Variants in REM1 observed in about 807,000 individuals in gnomAD.
The protein encoded by REM1 is GTP-binding protein REM 1.
In REM1, 20 loss-of-function variants were observed where a neutral mutation model predicts 27.0. The ratio of observed to expected loss-of-function variants is 0.74; its 90% CI spans 0.52 to 1.08. REM1 has a LOEUF of 1.08. REM1 is among the 50% of genes least tolerant of loss of function. The probability of loss-of-function intolerance (pLI) is 0.00; values close to 1 mark genes in which losing one functional copy is unlikely to be tolerated. For synonymous variants in REM1, 159 were observed against 167.9 expected, an observed-to-expected ratio of 0.95 and a Z score of 0.41; for missense variants, 405 against 407.0, an observed-to-expected ratio of 1.00 and a Z score of 0.04.
chr20:31,476,407 G>A lies in REM1; in HGVS notation c.-39G>A, dbSNP rs752092102. ...TGACAGCCAATTCCCCCTTCTTTCA[G>A]AAGGAAAGAAGGAAGAAGCAAACCC... On this transcript the variant is annotated 5_prime_UTR_variant, in exon 2 of 5. Transcript: ENST00000201979. 2.7e-6 allele frequency: 4 copies of A among 1,468,778 alleles called. No individual in the cohort carries two copies. In the African/African-American group the frequency reaches 5.7e-5, roughly 21 times the overall value. The allele number at this position is 1,468,778 out of a possible 1,614,324, so 91.0% of individuals were successfully genotyped here. A position where few individuals can be genotyped will look rare whatever the true frequency, so the allele number is the denominator to read the frequency against.
chr20:31,479,321 AG>A (rs962032087), intron 3 of REM1, among the ~76,000 whole-genome samples: 1 of 152,204 alleles, frequency 6.6e-6, no homozygotes, highest in Non-Finnish European at 1.5e-5. Context: ...TGAATAAGGC[AG>A]ACAGGCCCTC....
At chr20:31,476,195 C>T (rs924139520) in intron 1 of REM1, 32 bp from the exon 2 acceptor site, 4 of 514,212 alleles carry the variant, frequency 7.8e-6, no homozygotes, top group African/African-American at 7.6e-5. Flanking sequence ...GTGTTCACAG[C>T]CTGCACACTC....
At chr20:31,478,348 T>G (rs1179718835) in intron 3 of REM1, among the ~76,000 whole-genome samples, 2 of 152,172 alleles carry the variant, frequency 1.3e-5, no homozygotes, top group Non-Finnish European at 2.9e-5. Flanking sequence ...GGTTAACCAT[T>G]CCTGCCTTCC....
In REM1 at chr20:31,475,664, C is replaced by T. The variant is rs1472770096; in HGVS notation, c.-220+298C>T. Among the ~76,000 whole-genome samples the T allele has an allele frequency of 1.3e-5, 2 of 152,192 alleles. No individual in the cohort carries two copies. Among genetic ancestry groups the T allele is most frequent in the African/African-American group, 4.8e-5 (2 of 41,440 alleles). On this transcript the variant is annotated intron_variant, in intron 1 of 4. Transcript: ENST00000201979. The surrounding 1 kb of genome is among the most constrained non-coding windows in gnomAD (Gnocchi z 5.0). ...CTGCCCTCCCCGTCCCCTGCCAGGA[C>T]CCTGTCCTGTCACCTAACCTGGGGC...
chr20:31,483,152 T>C (rs1252879071), intron 4 of REM1, among the ~76,000 whole-genome samples: 1 of 152,066 alleles, frequency 6.6e-6, no homozygotes, highest in Non-Finnish European at 1.5e-5. Flanking sequence ...ATATAAAAAT[T>C]AGCCAGGCAT....
intron 3 of REM1, among the ~76,000 whole-genome samples, chr20:31,480,623 G>C (rs891503504): frequency 3.9e-5 from 6 of 152,032 alleles, no homozygotes; most frequent in African/African-American, 1.4e-4. Flanking sequence ...ATGCCCAGCT[G>C]AGAATCTATA....
At position 31,484,158 on chromosome 20, in the gene REM1, G is replaced by C. The variant is rs1864510495; in HGVS notation, c.626-1G>C. 14 of 1,575,908 alleles carry C rather than the reference G, an allele frequency of 8.9e-6. No homozygotes were observed. Among genetic ancestry groups the C allele is most frequent in the Non-Finnish European group, 1.2e-5 (14 of 1,157,874 alleles). Reference sequence around the variant, plus strand: ...CTCCTCGCCGGGCCCCGCCCCCTTAGAGGGCCGCGCCTGCGCTGTGGTGTT... The same window carrying C: ...CTCCTCGCCGGGCCCCGCCCCCTTACAGGGCCGCGCCTGCGCTGTGGTGTT... On this transcript the variant is annotated splice_acceptor_variant, in intron 4 of 4. Transcript: ENST00000201979. LOFTEE classifies it high-confidence loss of function.
intron 3 of REM1, 37 bp from the exon 4 acceptor site, chr20:31,482,250 A>G: frequency 1.3e-6 from 2 of 1,599,896 alleles, no homozygotes; most frequent in Non-Finnish European, 1.7e-6. Context: ...GGGCCTAGAT[A>G]CCCTCTGAGG....
In REM1 at chr20:31,477,835, A is replaced by G; in HGVS notation, c.348A>G (p.Val116=). Reference sequence around the variant, plus strand: ...CTCTTCCCTCGGTTGCAGAAGATGTATATGAGAGGACCCTCACGGTGGATG... The same window carrying G: ...CTCTTCCCTCGGTTGCAGAAGATGTGTATGAGAGGACCCTCACGGTGGATG... ...RDLHEQLGED[V]YERTLTVDGE... The change falls in exon 3 of 5, where the codon GTA becomes GTG. Residue 116 remains valine (V), a synonymous_variant. Coordinates refer to ENST00000201979, the MANE Select transcript of REM1 (RefSeq NM_014012.6). 6.2e-7 allele frequency: 1 copy of G among 1,612,524 alleles called. No homozygotes were observed. The highest frequency in any genetic ancestry group is 8.5e-7 in the Non-Finnish European group (1 of 1,179,532).
chr20:31,481,447 G>A (rs953970609), intron 3 of REM1, among the ~76,000 whole-genome samples: 16 of 151,476 alleles, frequency 1.1e-4, no homozygotes, highest in Non-Finnish European at 7.4e-5. Context: ...TGAAGCCCTC[G>A]CACACTCTGC....
intron 4 of REM1, among the ~76,000 whole-genome samples, chr20:31,483,156 C>T (rs1224918010): frequency 1.3e-5 from 2 of 152,018 alleles, no homozygotes; most frequent in Non-Finnish European, 2.9e-5. Context: ...AAAAATTAGC[C>T]AGGCATGGTG....
chr20:31,483,774 CAA>C (rs549633656), intron 4 of REM1, among the ~76,000 whole-genome samples: 41,924 of 102,192 alleles, frequency 0.41, 9,482 homozygotes, highest in African/African-American at 0.7. Context: ...AACAGACATC[CAA>C]AAAAAAAAAA....
At chr20:31,482,141 G>A (rs972394642) in intron 3 of REM1, 146 bp from the exon 4 acceptor site, 58 of 655,818 alleles carry the variant, frequency 8.8e-5, no homozygotes, top group Non-Finnish European at 1.5e-4. Context: ...AGGTGACACA[G>A]GGAATTATAG....
chr20:31,480,164 A>G (rs917723252), intron 3 of REM1, among the ~76,000 whole-genome samples: 2 of 152,108 alleles, frequency 1.3e-5, no homozygotes, highest in African/African-American at 2.4e-5. Context: ...AGCCTGGGCA[A>G]CAGAGCAAGA....
At chr20:31,482,122 A>G (rs189714900) in intron 3 of REM1, among the ~76,000 whole-genome samples, 165 bp from the exon 4 acceptor site, 7 of 152,248 alleles carry the variant, frequency 4.6e-5, no homozygotes, top group Admixed American at 4.6e-4. Context: ...AGAATCACCA[A>G]TTTTCCCAAG....
At position 31,482,340 on chromosome 20, in the gene REM1, C is replaced by T. The variant is rs781392201; in HGVS notation, c.477C>T (p.Ile159=). The change falls in exon 4 of 5, where the codon ATC becomes ATT. Residue 159 remains isoleucine (I), a synonymous_variant. Transcript: ENST00000201979. ...TGCAGGGGGGCAGTGCCTATGTCAT[C>T]GTATACTCCATCGCAGACCGAGGCA... ...SCLQGGSAYV[I]VYSIADRGSF... 3.1e-6 allele frequency: 5 copies of T among 1,614,186 alleles called. No individual in the cohort carries two copies. The highest frequency in any genetic ancestry group is 2.2e-5 in the East Asian group (1 of 44,888).
In REM1 at chr20:31,476,457, C is replaced by T. The variant is rs749474564; in HGVS notation, c.12C>T (p.Asn4=). The T allele has an allele frequency of 2.6e-5, 41 of 1,587,846 alleles. No individual in the cohort carries two copies. Among genetic ancestry groups the T allele is most frequent in the Non-Finnish European group, 3.3e-5 (39 of 1,167,118 alleles). MTL[N]TEQEAKTPLH... The stretch of plus-strand genomic sequence containing the variant: ...CCCCCCTACCAAAGATGACACTCAA[C>T]ACCGAGCAGGAAGCAAAGACCCCTC... The change falls in exon 2 of 5, where the codon AAC becomes AAT. Residue 4 remains asparagine (N), a synonymous_variant. Transcript: ENST00000201979.
intron 2 of REM1, 157 bp from the exon 3 acceptor site, chr20:31,477,670 TG>T: frequency 6.5e-6 from 1 of 154,954 alleles, no homozygotes; most frequent in Non-Finnish European, 1.4e-5. Flanking sequence ...TGGGGAGACA[TG>T]GGCTCCTACC....
In REM1 at chr20:31,484,315, C is replaced by T. The variant is rs781091921; in HGVS notation, c.782C>T (p.Pro261Leu). 2.9e-5 allele frequency: 46 copies of T among 1,575,378 alleles called. No homozygotes were observed. Among genetic ancestry groups the T allele is most frequent in the Non-Finnish European group, 3.7e-5 (43 of 1,161,620 alleles). Residue 261 changes from proline to leucine, a missense_variant, in exon 5 of 5, where the codon CCG becomes CTG. Pro to Leu is a moderately conservative substitution (Grantham distance 98). Coordinates refer to ENST00000201979, the MANE Select transcript of REM1 (RefSeq NM_014012.6). Reference protein sequence around the residue: ...AAKEPPAPRRPASLAQRARRF... With the variant: ...AAKEPPAPRRLASLAQRARRF... ...AAGGAACCCCCAGCACCCCGACGGC[C>T]GGCCAGCCTAGCCCAGCGCGCTCGT...
Sources: allele counts gnomAD v4.1 joint callset (sites outside exome capture counted in the v4.1 genomes callset), GRCh38; gene constraint gnomAD v4.1.1; non-coding constraint Gnocchi (gnomAD v3.1); transcripts MANE v1.5; gene names NCBI Gene and HGNC (gene_info 2026-07-23, HGNC 2026-07-21).